The following TBC1D22B variants were observed in gnomAD, a reference collection of about 807,000 sequenced individuals.
TBC1D22B encodes the protein chromosome 6 open reading frame 197.
Under a neutral mutation model 69.1 loss-of-function variants are expected in TBC1D22B, and 32 were observed. The ratio of observed to expected loss-of-function variants is 0.46; its 90% CI spans 0.35 to 0.62. TBC1D22B has a LOEUF of 0.62. Ranked by LOEUF, TBC1D22B falls within the 20% of genes least tolerant of loss-of-function variation. TBC1D22B has a pLI of 0.00. For missense variants in TBC1D22B, 462 were observed against 630.9 expected (o/e 0.73, Z 2.87); for synonymous variants, 206 against 229.8 (o/e 0.90, Z 0.94).
At position 37,331,357 on chromosome 6, in the gene TBC1D22B, A is replaced by G. The variant is rs1768578269; in HGVS notation, c.*185A>G. On this transcript the variant is annotated 3_prime_UTR_variant, in exon 13 of 13. Coordinates refer to ENST00000373491, the MANE Select transcript of TBC1D22B (RefSeq NM_017772.4). ...TGTCTCTGGATGTGTCACTTGGACC[A>G]CTGTCAGTATTCCATGCCGCGTGGA... 3.4e-6 allele frequency: 2 copies of G among 584,208 alleles called. No homozygotes were observed. Among genetic ancestry groups the G allele is most frequent in the Admixed American group, 3.0e-5 (1 of 33,494 alleles). The allele number at this position is 584,208 out of a possible 1,614,324, so 36.2% of individuals were successfully genotyped here.
At chr6:37,312,810 C>A in intron 8 of TBC1D22B, 108 bp from the exon 9 acceptor site, 3 of 846,194 alleles carry the variant, frequency 3.5e-6, no homozygotes, top group South Asian at 1.5e-5. Context: ...ATCAGGTTAG[C>A]CTGGTCCTCA....
intron 1 of TBC1D22B, among the ~76,000 whole-genome samples, chr6:37,267,027 C>T (rs1583523162): frequency 6.9e-6 from 1 of 145,470 alleles, no homozygotes; most frequent in African/African-American, 2.5e-5. Context: ...GTCTCAAACT[C>T]CTGGGTTCAA....
intron 12 of TBC1D22B, among the ~76,000 whole-genome samples, chr6:37,320,981 A>G (rs2113788946): frequency 6.6e-6 from 1 of 152,330 alleles, no homozygotes; most frequent in South Asian, 2.1e-4. Flanking sequence ...TCATAATAAT[A>G]TGTTAGGTTG....
chr6:37,302,301 G>A (rs1767593418), intron 8 of TBC1D22B, among the ~76,000 whole-genome samples: 1 of 152,218 alleles, frequency 6.6e-6, no homozygotes, highest in Admixed American at 6.5e-5. Flanking sequence ...TGACAGTGCT[G>A]CAGGTGGGGA....
chr6:37,272,539 C>T (rs145511398), intron 2 of TBC1D22B, among the ~76,000 whole-genome samples: 1,756 of 152,062 alleles, frequency 0.012, 39 homozygotes, highest in African/African-American at 0.038. Flanking sequence ...AGGCATGGGC[C>T]ACCATGCCTG....
intron 8 of TBC1D22B, among the ~76,000 whole-genome samples, chr6:37,304,262 C>T (rs1767645894): frequency 1.3e-5 from 2 of 152,110 alleles, no homozygotes; most frequent in Non-Finnish European, 2.9e-5. Flanking sequence ...TGACCATAAA[C>T]GAAGTAGACA....
At chr6:37,296,333 C>A (rs991579401) in intron 8 of TBC1D22B, among the ~76,000 whole-genome samples, 1 of 152,128 alleles carries the variant, frequency 6.6e-6, no homozygotes, top group Non-Finnish European at 1.5e-5. Flanking sequence ...GACAGGATCT[C>A]ACTCTGTCAC....
intron 8 of TBC1D22B, among the ~76,000 whole-genome samples, chr6:37,298,354 T>C (rs968798252): frequency 1.3e-5 from 2 of 152,120 alleles, no homozygotes; most frequent in Admixed American, 6.5e-5. Flanking sequence ...TTCAGAAAAA[T>C]GAAATCAAGC....
chr6:37,298,952 G>A (rs1247228023), intron 8 of TBC1D22B, among the ~76,000 whole-genome samples: 1 of 152,184 alleles, frequency 6.6e-6, no homozygotes, highest in East Asian at 1.9e-4. Context: ...AAGAGTCCTA[G>A]AAGTGAAATT....
chr6:37,328,613 T>C (rs966000766), intron 12 of TBC1D22B, among the ~76,000 whole-genome samples: 1 of 152,136 alleles, frequency 6.6e-6, no homozygotes, highest in Non-Finnish European at 1.5e-5. Context: ...GTAGAGAAAA[T>C]ATTTCAAGTA....
At chr6:37,323,861 A>G (rs1464802199) in intron 12 of TBC1D22B, among the ~76,000 whole-genome samples, 1 of 152,194 alleles carries the variant, frequency 6.6e-6, no homozygotes, top group Admixed American at 6.5e-5. Flanking sequence ...GGTGTGAGAA[A>G]GGGCACGGTT....
At chr6:37,283,741 C>G (rs1005261027) in intron 5 of TBC1D22B, among the ~76,000 whole-genome samples, 5 of 152,112 alleles carry the variant, frequency 3.3e-5, no homozygotes, top group African/African-American at 1.2e-4. Context: ...GGGATCTAGA[C>G]CAGGGATAAG....
At chr6:37,281,941 C>T (rs1766845331) in intron 3 of TBC1D22B, among the ~76,000 whole-genome samples, 1 of 152,156 alleles carries the variant, frequency 6.6e-6, no homozygotes, top group South Asian at 2.1e-4. Flanking sequence ...CAGCATCTGG[C>T]GTCTCTGTTA....
chr6:37,293,857 T>C (rs780418962), intron 8 of TBC1D22B, among the ~76,000 whole-genome samples: 5 of 152,218 alleles, frequency 3.3e-5, no homozygotes, highest in Non-Finnish European at 7.3e-5. Flanking sequence ...ATTGCTGATA[T>C]GGATAGAAGA....
At chr6:37,326,452 G>T (rs1266008277) in intron 12 of TBC1D22B, among the ~76,000 whole-genome samples, 1 of 150,552 alleles carries the variant, frequency 6.6e-6, no homozygotes, top group African/African-American at 2.4e-5. Context: ...TTATCAGTTT[G>T]CAAGTGTATG....
Position 37,257,943 on chromosome 6 carries a change from T to G in TBC1D22B, c.26T>G (p.Phe9Cys), listed in dbSNP as rs760067872. The G allele has an allele frequency of 6.2e-7, 1 of 1,613,786 alleles. No homozygotes were observed. The highest frequency in any genetic ancestry group is 1.1e-5 in the South Asian group (1 of 91,038). MAAENSKQ[F>C]WKRSAKLPGS... ...ATGGCCGCTGAGAACAGCAAGCAGT[T>G]TTGGAAGAGGAGCGCTAAGCTGCCG... The change falls in exon 1 of 13, where the codon TTT (phenylalanine) becomes TGT (cysteine). Residue 9 changes from phenylalanine to cysteine, a missense_variant. Physicochemically the swap from Phe to Cys is radical, Grantham distance 205. Around this residue, in one of 2 missense-constraint regions of TBC1D22B, gnomAD observed 237 missense variants for 255.4 expected, o/e 0.93. Transcript: ENST00000373491.
intron 2 of TBC1D22B, among the ~76,000 whole-genome samples, chr6:37,270,140 A>G (rs898186212): frequency 2.6e-5 from 4 of 152,192 alleles, no homozygotes; most frequent in African/African-American, 4.8e-5. Context: ...AGACCCAGGC[A>G]TATGTACAGT....
chr6:37,317,420 T>C (rs1562066216), intron 12 of TBC1D22B, among the ~76,000 whole-genome samples: 1 of 152,176 alleles, frequency 6.6e-6, no homozygotes, highest in Non-Finnish European at 1.5e-5. Flanking sequence ...TGTGCCAGAA[T>C]GGCTGCAGAG....
intron 10 of TBC1D22B, 105 bp downstream of exon 10, chr6:37,313,996 C>T: frequency 9.6e-7 from 1 of 1,046,178 alleles, no homozygotes; most frequent in East Asian, 2.4e-5. Context: ...TAGCCATGAC[C>T]CTTTCCAGCG....
Sources: allele counts gnomAD v4.1 joint callset (sites outside exome capture counted in the v4.1 genomes callset), GRCh38; gene constraint gnomAD v4.1.1; regional missense constraint gnomAD v4.1.1; transcripts MANE v1.5; gene names NCBI Gene and HGNC (gene_info 2026-07-23, HGNC 2026-07-21).